SYNE2: variants seen among roughly 807,000 people sequenced by gnomAD.
SYNE2 encodes the protein spectrin repeat containing nuclear envelope protein 2.
In SYNE2, 431 loss-of-function variants were observed where a neutral mutation model predicts 856.3. The observed-to-expected ratio is 0.50, with a 90% CI of 0.47 to 0.55. The LOEUF (loss-of-function observed/expected upper bound fraction) is 0.55, where lower values mean the gene tolerates loss of function less well. SYNE2 is among the 20% of genes least tolerant of loss of function. The pLI, the probability that SYNE2 is intolerant of heterozygous loss-of-function variation, is 0.00. For missense variants in SYNE2, 8,129 were observed against 8,023.2 expected, an observed-to-expected ratio of 1.01 and a Z score of -0.50; for synonymous variants, 2,923 against 2,872.3, an observed-to-expected ratio of 1.02 and a Z score of -0.56.
Position 64,027,713 on chromosome 14 carries a change from T to C in SYNE2, c.6634T>C (p.Cys2212Arg). The change falls in exon 43 of 116, where the codon TGC becomes CGC. Residue 2212 changes from cysteine to arginine, a missense_variant. Cys to Arg is a radical substitution (Grantham distance 180). Transcript: ENST00000555002. ...LKSQGNYLLE[C>R]TKNPSFSEEP... Reference sequence around the variant, plus strand: ...ATCTCAGGGAAACTACCTCTTGGAGTGCACTAAAAATCCCAGCTTCAGTGA... The same window carrying C: ...ATCTCAGGGAAACTACCTCTTGGAGCGCACTAAAAATCCCAGCTTCAGTGA... 6.2e-7 allele frequency: 1 copy of C among 1,614,044 alleles called. No individual in the cohort carries two copies. Among genetic ancestry groups the C allele is most frequent in the East Asian group, 2.2e-5 (1 of 44,864 alleles).
chr14:64,214,758 G>T (rs2098657788), intron 106 of SYNE2, among the ~76,000 whole-genome samples: 3 of 151,710 alleles, frequency 2.0e-5, no homozygotes, highest in South Asian at 2.1e-4. Flanking sequence ...ATTTTTTTTT[G>T]ATACAGGGTC....
chr14:63,788,046 C>T (rs1312865558), intron 1 of SYNE2, among the ~76,000 whole-genome samples: 1 of 152,192 alleles, frequency 6.6e-6, no homozygotes, highest in African/African-American at 2.4e-5. Context: ...CGTGGGTGCC[C>T]AAATTCTGGA....
At chr14:64,142,795 G>C (rs138799664) in intron 82 of SYNE2, among the ~76,000 whole-genome samples, 1 of 152,236 alleles carries the variant, frequency 6.6e-6, no homozygotes, top group African/African-American at 2.4e-5. Context: ...AAAATATTGA[G>C]ATCCTTCTAC....
At chr14:64,169,826 G>T (rs1397169047) in intron 93 of SYNE2, among the ~76,000 whole-genome samples, 1 of 152,162 alleles carries the variant, frequency 6.6e-6, no homozygotes, top group Non-Finnish European at 1.5e-5. Context: ...AATAAAGCAT[G>T]CTCTTTATTG....
chr14:64,185,129 G>A (rs113701639), intron 96 of SYNE2, among the ~76,000 whole-genome samples: 5,079 of 152,222 alleles, frequency 0.033, 242 homozygotes, highest in African/African-American at 0.11. Flanking sequence ...GTGGTGGTGC[G>A]TGCCTATAGT....
In SYNE2 at chr14:63,992,929, G is replaced by A. The variant is rs982504884; in HGVS notation, c.2647-906G>A. Among the ~76,000 whole-genome samples, 4 of 152,184 alleles carry A rather than the reference G, an allele frequency of 2.6e-5. No homozygotes were observed. The South Asian group carries it at 6.2e-4, about 24-fold the overall frequency. On this transcript the variant is annotated intron_variant, in intron 21 of 115. Coordinates refer to ENST00000555002, the MANE Select transcript of SYNE2 (RefSeq NM_182914.3). ...AATGAGCGAATTCCCACCCTGCTTA[G>A]CTTCTCCCGGAGTTATTCATCTTCT...
chr14:64,173,903 C>A (rs1219902120), intron 94 of SYNE2: 2 of 681,128 alleles, frequency 2.9e-6, no homozygotes, highest in East Asian at 5.4e-5. Context: ...TTAAAGAACG[C>A]CCATGTAGCC....
intron 1 of SYNE2, among the ~76,000 whole-genome samples, chr14:63,907,953 C>A (rs2095428106): frequency 6.6e-6 from 1 of 152,130 alleles, no homozygotes; most frequent in Non-Finnish European, 1.5e-5. Context: ...AAATCTTTAA[C>A]AACAGTGATC....
At chr14:63,777,975 G>T (rs1179646738) in intron 1 of SYNE2, among the ~76,000 whole-genome samples, 3 of 152,128 alleles carry the variant, frequency 2.0e-5, no homozygotes. Context: ...ACCGAGAGTA[G>T]ATCTTGAATG....
At position 63,937,272 on chromosome 14, in the gene SYNE2, A is replaced by G. The variant is rs560767019; in HGVS notation, c.80-3342A>G. Among the ~76,000 whole-genome samples the G allele has an allele frequency of 5.3e-5, 8 of 152,282 alleles. No individual in the cohort carries two copies. In the South Asian group the frequency reaches 1.7e-3, roughly 32 times the overall value. The stretch of plus-strand genomic sequence containing the variant: ...CATTTTGCCGCAAAGGAGCAGACAA[A>G]TGAAGCGATGGCTGGTTGGGAACTG... On this transcript the variant is annotated intron_variant, in intron 2 of 115. Coordinates refer to ENST00000555002, the MANE Select transcript of SYNE2 (RefSeq NM_182914.3).
In SYNE2 at chr14:64,052,055, A is replaced by G; in HGVS notation, c.8142A>G (p.Glu2714=). 1 of 1,614,062 alleles carries G rather than the reference A, an allele frequency of 6.2e-7. No homozygotes were observed. Among genetic ancestry groups the G allele is most frequent in the Non-Finnish European group, 8.5e-7 (1 of 1,180,028 alleles). Reference sequence around the variant, plus strand: ...TAAATAACTTGAAGAAACAATGGGAAACATTGGAGCCATTACACTTAGAAG... The same window carrying G: ...TAAATAACTTGAAGAAACAATGGGAGACATTGGAGCCATTACACTTAGAAG... ...DGINNLKKQW[E]TLEPLHLEAE... The change falls in exon 48 of 116, where the codon GAA becomes GAG. Residue 2714 remains glutamate, a synonymous_variant. Transcript: ENST00000555002.
rs538344879 is a variant in SYNE2 at position 64,188,560 on chromosome 14, G to A, written c.17723G>A (p.Arg5908His). 8.2e-5 allele frequency: 133 copies of A among 1,614,168 alleles called. 1 individual carries two copies. The South Asian group carries it at 1.3e-3, about 16-fold the overall frequency. Residue 5908 changes from arginine to histidine, a missense_variant, in exon 98 of 116, where the codon CGT becomes CAT. Physicochemically the swap from Arg to His is conservative, Grantham distance 29. Coordinates refer to ENST00000555002, the MANE Select transcript of SYNE2 (RefSeq NM_182914.3). The stretch of plus-strand genomic sequence containing the variant: ...TATTTTCATTTGCAGGTGGCCATAC[G>A]TAAACAGGAGATTGAAGACAGACTC... Reference protein sequence around the residue: ...WEDLCLRVAIRKQEIEDRLNT... With the variant: ...WEDLCLRVAIHKQEIEDRLNT...
At chr14:64,060,921 T>A (rs961034564) in intron 49 of SYNE2, among the ~76,000 whole-genome samples, 7 of 152,132 alleles carry the variant, frequency 4.6e-5, no homozygotes, top group African/African-American at 1.7e-4. Context: ...TGCATTCCAA[T>A]GCAAAGCTCC....
Position 63,974,851 on chromosome 14 carries a change from C to CGTGTGT in SYNE2, c.1129-1712_1129-1711insGTGTGT, listed in dbSNP as rs1566949091. ...GTATATAGACGTGTGTGTGTGTGTA[C>CGTGTGT]ATGTGTGTGTGTGTGTGTGTGTGTG... On this transcript the variant is annotated intron_variant, in intron 11 of 115. Coordinates refer to ENST00000555002, the MANE Select transcript of SYNE2 (RefSeq NM_182914.3). 2.8e-3 allele frequency among the ~76,000 whole-genome samples: 150 copies of CGTGTGT among 52,804 alleles called. 6 individuals carry two copies. The highest frequency in any genetic ancestry group is 6.1e-3 in the East Asian group (10 of 1,652). 34.6% of individuals were successfully genotyped at this position (52,804 alleles called of 152,430 possible). A position where few individuals can be genotyped will look rare whatever the true frequency, so the allele number is the denominator to read the frequency against.
Position 64,053,006 on chromosome 14 carries a change from TGAA to T in SYNE2, c.9097_9099del (p.Glu3033del). On this transcript the variant is annotated inframe_deletion, in exon 48 of 116. Coordinates refer to ENST00000555002, the MANE Select transcript of SYNE2 (RefSeq NM_182914.3). ...AAGTATTTGAAAAAGAAAAGGAACT[TGAA>T]GAAAAAATTAAGCAGTTGGACACAT... The T allele has an allele frequency of 6.2e-7, 1 of 1,611,576 alleles. No individual in the cohort carries two copies. Among genetic ancestry groups the T allele is most frequent in the Admixed American group, 1.7e-5 (1 of 59,584 alleles).
intron 1 of SYNE2, among the ~76,000 whole-genome samples, chr14:63,814,679 C>CAT (rs201098918): frequency 0.48 from 30,595 of 63,086 alleles, 9,983 homozygotes; most frequent in South Asian, 0.68. Flanking sequence ...CATATATATC[C>CAT]ATATATATCC....
At position 63,982,695 on chromosome 14, in the gene SYNE2, C is replaced by A; in HGVS notation, c.1902C>A (p.Phe634Leu). Residue 634 changes from phenylalanine (F) to leucine (L), a missense_variant, in exon 17 of 116, where the codon TTC (phenylalanine) becomes TTA (leucine). By Grantham distance (22) the Phe-to-Leu change is conservative. Coordinates refer to ENST00000555002, the MANE Select transcript of SYNE2 (RefSeq NM_182914.3). Reference protein sequence around the residue: ...EHATLNEAGNFLVEVSNDVVG... With the variant: ...EHATLNEAGNLLVEVSNDVVG... ...CTACTTTAAATGAAGCAGGAAATTT[C>A]TTAGTCGAAGTCAGCAATGATGTGG... is the stretch of plus-strand genomic sequence containing the variant. 6.2e-7 allele frequency: 1 copy of A among 1,614,000 alleles called. No individual in the cohort carries two copies. The highest frequency in any genetic ancestry group is 8.5e-7 in the Non-Finnish European group (1 of 1,179,970).
chr14:63,979,433 C>T (rs906449214), intron 14 of SYNE2, among the ~76,000 whole-genome samples: 18 of 152,162 alleles, frequency 1.2e-4, no homozygotes, highest in African/African-American at 4.3e-4. Flanking sequence ...CTAGGATAAA[C>T]AATACATTTT....
intron 99 of SYNE2, 152 bp from the exon 100 acceptor site, chr14:64,202,649 G>A: frequency 1.1e-6 from 1 of 927,644 alleles, no homozygotes; most frequent in Admixed American, 2.4e-5. Context: ...GGTGACATGA[G>A]AGTTGTTCTG....
Sources: gnomAD v4.1 joint callset for allele counts (sites outside exome capture counted in the v4.1 genomes callset) on GRCh38, gnomAD v4.1.1 for gene constraint, MANE v1.5 for transcripts, NCBI Gene and HGNC (gene_info 2026-07-23, HGNC 2026-07-21) for gene names.